PCDHGA1: variants seen among roughly 807,000 people sequenced by gnomAD.
PCDHGA1 encodes protocadherin gamma subfamily A, 1, also known as protocadherin gamma-A1.
A neutral mutation model predicts 58.0 loss-of-function variants in PCDHGA1; 32 were observed. The ratio of observed to expected loss-of-function variants is 0.55; its 90% CI spans 0.42 to 0.74. The LOEUF (loss-of-function observed/expected upper bound fraction) is 0.74, where lower values mean the gene tolerates loss of function less well. Ranked by LOEUF, PCDHGA1 falls within the 30% of genes least tolerant of loss-of-function variation. The probability of loss-of-function intolerance (pLI) is 0.00; values close to 1 mark genes in which losing one functional copy is unlikely to be tolerated. For synonymous variants in PCDHGA1, 498 were observed against 501.1 expected, an observed-to-expected ratio of 0.99 and a Z score of 0.08; for missense variants, 1,205 against 1,182.3, an observed-to-expected ratio of 1.02 and a Z score of -0.28.
chr5:141,415,740 GT>G (rs57426385), intron 1 of PCDHGA1: 12,894 of 617,008 alleles, frequency 0.021, 1 homozygote, highest in South Asian at 0.027. Flanking sequence ...GTTTATTAAG[GT>G]TTTTTTTTTT....
At chr5:141,350,357 T>C (rs562243473) in intron 1 of PCDHGA1, 1 of 1,568,848 alleles carries the variant, frequency 6.4e-7, no homozygotes, top group African/African-American at 1.4e-5. Context: ...GCAGATCCGA[T>C]ACACGATTCC....
At chr5:141,433,607 G>A (rs1209706866) in intron 1 of PCDHGA1, among the ~76,000 whole-genome samples, 2 of 152,078 alleles carry the variant, frequency 1.3e-5, no homozygotes, top group East Asian at 1.9e-4. Context: ...AGGCCGAGGC[G>A]GGTGGATCAC....
Position 141,331,898 on chromosome 5 carries a change from T to C in PCDHGA1, c.1214T>C (p.Val405Ala). The C allele has an allele frequency of 6.2e-7, 1 of 1,614,214 alleles. No individual in the cohort carries two copies. The highest frequency in any genetic ancestry group is 1.1e-5 in the South Asian group (1 of 91,088). The part of the protein sequence containing the change: ...EKLVDNYYRL[V>A]TERTLDRELI... ...TTAGTTGATAATTATTACCGTTTAG[T>C]GACTGAAAGAACACTGGACAGAGAA... Residue 405 changes from valine (V) to alanine (A), a missense_variant, in exon 1 of 4, where the codon GTG becomes GCG. Physicochemically the swap from Val to Ala is moderately conservative, Grantham distance 64. Transcript: ENST00000517417.
Position 141,487,613 on chromosome 5 carries a change from G to C in PCDHGA1, c.2422-7194G>C, listed in dbSNP as rs1460090760. 1 of 1,614,218 alleles carries C rather than the reference G, an allele frequency of 6.2e-7. No homozygotes were observed. ...ACCCTCTGATCTTCTCTATGGGCTA[G>C]AGGTGAGACCTTTGCAGGCTCAACA... On this transcript the variant is annotated intron_variant, in intron 1 of 3. Coordinates refer to ENST00000517417, the MANE Select transcript of PCDHGA1 (RefSeq NM_018912.3). The surrounding 1 kb of genome is among the most constrained non-coding windows in gnomAD (Gnocchi z 5.0).
intron 1 of PCDHGA1, chr5:141,408,054 C>G (rs1561710214): frequency 1.5e-6 from 2 of 1,295,924 alleles, no homozygotes; most frequent in East Asian, 2.6e-5. Flanking sequence ...CACAGAGCCT[C>G]CCGGCTGCGC....
intron 1 of PCDHGA1, chr5:141,403,965 A>G: frequency 6.2e-7 from 1 of 1,613,864 alleles, no homozygotes; most frequent in Non-Finnish European, 8.5e-7. Flanking sequence ...ATTTCGGTGG[A>G]AGATGTAAAT....
At chr5:141,420,458 CAA>C (rs1269245240) in intron 1 of PCDHGA1, 1 of 925,076 alleles carries the variant, frequency 1.1e-6, no homozygotes, top group Non-Finnish European at 1.5e-6. Context: ...TCCTACTATT[CAA>C]AGACATTTTA....
chr5:141,343,829 A>G lies in PCDHGA1; in HGVS notation c.2421+10724A>G, dbSNP rs1757330629. 6.0e-6 allele frequency: 3 copies of G among 496,532 alleles called. No homozygotes were observed. The South Asian group carries it at 1.2e-4, about 21-fold the overall frequency. 30.8% of individuals were successfully genotyped at this position (496,532 alleles called of 1,614,324 possible). The stretch of plus-strand genomic sequence containing the variant: ...GAGAACGCAGCTGGAGAACTAGTCC[A>G]CCATTTCCTTGCTCCTAAAATGCAA... On this transcript the variant is annotated intron_variant, in intron 1 of 3. Transcript: ENST00000517417.
At chr5:141,390,064 C>A in intron 1 of PCDHGA1, 3 of 1,614,058 alleles carry the variant, frequency 1.9e-6, no homozygotes, top group Middle Eastern at 3.3e-4. Context: ...TGCTTCCAGC[C>A]TGGTCTCTGT....
At chr5:141,400,237 A>AT in intron 1 of PCDHGA1, 3 of 1,613,870 alleles carry the variant, frequency 1.9e-6, no homozygotes, top group Non-Finnish European at 2.5e-6. Flanking sequence ...CCTGGCCGTG[A>AT]TTCTGGCCGT....
chr5:141,331,535 TA>T lies in PCDHGA1; in HGVS notation c.852del (p.Asp285ThrfsTer10). ...NGEVTYSFHNVDHRVAQIFRL... is the reference protein window; with the variant it reads ...NGEVTYSFHNXDHRVAQIFRL... The stretch of plus-strand genomic sequence containing the variant: ...GAAGTAACGTACTCCTTTCACAATG[TA>T]GACCACAGAGTGGCCCAAATATTTC... On this transcript the variant is annotated frameshift_variant, in exon 1 of 4. Transcript: ENST00000517417. LOFTEE classifies it high-confidence loss of function. 1 of 1,614,168 alleles carries T rather than the reference TA, an allele frequency of 6.2e-7. No homozygotes were observed. The highest frequency in any genetic ancestry group is 8.5e-7 in the Non-Finnish European group (1 of 1,180,048).
chr5:141,355,167 A>C (rs755561054), intron 1 of PCDHGA1: 1 of 1,565,298 alleles, frequency 6.4e-7, no homozygotes, highest in Middle Eastern at 2.4e-4. Context: ...CAGAGGGAAA[A>C]CCGAAGCACA....
At chr5:141,422,898 C>CTCTG (rs747261683) in intron 1 of PCDHGA1, 4 of 1,614,250 alleles carry the variant, frequency 2.5e-6, no homozygotes, top group Non-Finnish European at 3.4e-6. Flanking sequence ...TGGACCAGAA[C>CTCTG]GACAATGCGC....
intron 2 of PCDHGA1, among the ~76,000 whole-genome samples, chr5:141,500,892 G>GAT (rs1036007799): frequency 1.1e-5 from 1 of 88,010 alleles, no homozygotes; most frequent in African/African-American, 7.1e-5. Flanking sequence ...TTTTTTTTGA[G>GAT]ACAGTCTCGC....
chr5:141,383,179 G>C, intron 1 of PCDHGA1: 1 of 1,614,124 alleles, frequency 6.2e-7, no homozygotes, highest in Non-Finnish European at 8.5e-7. Context: ...AGACCGGGAA[G>C]AGATCTGCGC....
In PCDHGA1 at chr5:141,384,758, G is replaced by A. The variant is rs369146747; in HGVS notation, c.2421+51653G>A. ...AGCGAGCCAGGACTCTTTGCGGTTG[G>A]GCTGTACACGGGCGAGGTGCGCACG... is the stretch of plus-strand genomic sequence containing the variant. On this transcript the variant is annotated intron_variant, in intron 1 of 3. Coordinates refer to ENST00000517417, the MANE Select transcript of PCDHGA1 (RefSeq NM_018912.3). 57 of 1,613,872 alleles carry A rather than the reference G, an allele frequency of 3.5e-5. No individual in the cohort carries two copies. The highest frequency in any genetic ancestry group is 4.1e-5 in the Non-Finnish European group (48 of 1,180,038).
In PCDHGA1 at chr5:141,432,847, G is replaced by C. The variant is rs768265171; in HGVS notation, c.2422-61960G>C. ...ACCTCACTCTGTACCTGGTGGTAGC[G>C]GTGGCCGCGGTCTCCTGCGTCTTCC... On this transcript the variant is annotated intron_variant, in intron 1 of 3. Transcript: ENST00000517417. The surrounding 1 kb of genome is among the most constrained non-coding windows in gnomAD (Gnocchi z 6.0). The C allele has an allele frequency of 1.2e-6, 2 of 1,614,180 alleles. No homozygotes were observed. Among genetic ancestry groups the C allele is most frequent in the Admixed American group, 1.7e-5 (1 of 60,032 alleles).
At position 141,431,595 on chromosome 5, in the gene PCDHGA1, A is replaced by G; in HGVS notation, c.2422-63212A>G. The G allele has an allele frequency of 6.2e-7, 1 of 1,614,218 alleles. No homozygotes were observed. The highest frequency in any genetic ancestry group is 8.5e-7 in the Non-Finnish European group (1 of 1,180,034). On this transcript the variant is annotated intron_variant, in intron 1 of 3. Transcript: ENST00000517417. The surrounding 1 kb of genome is among the most constrained non-coding windows in gnomAD (Gnocchi z 4.8). Reference sequence around the variant, plus strand: ...GAAGGAGTCAATGCGGAAGTGAGGTATTCCTTCCGGTATGTGGACGACAAG... The same window carrying G: ...GAAGGAGTCAATGCGGAAGTGAGGTGTTCCTTCCGGTATGTGGACGACAAG...
intron 1 of PCDHGA1, among the ~76,000 whole-genome samples, chr5:141,439,190 C>CAAA (rs200519543): frequency 1.8e-5 from 2 of 111,760 alleles, no homozygotes; most frequent in African/African-American, 6.3e-5. Context: ...GAGACTCTGA[C>CAAA]AAAAAAAAAA....
Sources: gnomAD v4.1 joint callset for allele counts (sites outside exome capture counted in the v4.1 genomes callset) on GRCh38, gnomAD v4.1.1 for gene constraint, Gnocchi (gnomAD v3.1) non-coding constraint, MANE v1.5 for transcripts, NCBI Gene and HGNC (gene_info 2026-07-23, HGNC 2026-07-21) for gene names.